Variants in RORA observed in about 807,000 individuals in gnomAD.
The protein encoded by RORA is nuclear receptor ROR-alpha.
A neutral mutation model predicts 69.5 loss-of-function variants in RORA; 7 were observed. That is an observed-to-expected ratio of 0.10 (90% confidence interval 0.06 to 0.19). The LOEUF is 0.19. RORA is among the 10% of genes least tolerant of loss of function. RORA has a pLI of 1.00. For missense variants in RORA, 457 were observed against 663.0 expected (o/e 0.69, Z 3.41); for synonymous variants, 261 against 240.8 (o/e 1.08, Z -0.78).
At chr15:60,883,669 T>C (rs1231396162) in intron 1 of RORA, among the ~76,000 whole-genome samples, 1 of 152,260 alleles carries the variant, frequency 6.6e-6, no homozygotes, top group Admixed American at 6.5e-5. Flanking sequence ...AGAATCTTTT[T>C]ATTTTTCTGT....
chr15:60,795,458 A>G (rs1429856541), intron 1 of RORA, among the ~76,000 whole-genome samples: 5 of 152,214 alleles, frequency 3.3e-5, no homozygotes, highest in Admixed American at 6.5e-5. Flanking sequence ...TTTTTGAGCT[A>G]AGAATTTGAC....
chr15:61,162,445 GT>G (rs953135484), intron 1 of RORA, among the ~76,000 whole-genome samples: 1 of 152,168 alleles, frequency 6.6e-6, no homozygotes, highest in Non-Finnish European at 1.5e-5. Flanking sequence ...AAGGGCTCCT[GT>G]TCATGGAGGA....
intron 1 of RORA, among the ~76,000 whole-genome samples, chr15:61,114,995 T>A (rs1218990960): frequency 3.3e-5 from 5 of 152,216 alleles, no homozygotes; most frequent in African/African-American, 7.2e-5. Flanking sequence ...TATTTCTAAA[T>A]CCCAGAAGCA....
chr15:61,043,190 G>A (rs949074858), intron 1 of RORA, among the ~76,000 whole-genome samples: 7 of 152,124 alleles, frequency 4.6e-5, no homozygotes, highest in African/African-American at 1.7e-4. Flanking sequence ...ATTTACAGAG[G>A]GCAAACATTC....
At chr15:60,639,177 G>A (rs946656221) in intron 2 of RORA, among the ~76,000 whole-genome samples, 8 of 150,206 alleles carry the variant, frequency 5.3e-5, no homozygotes, top group Non-Finnish European at 1.0e-4. Flanking sequence ...TTTCAATCAG[G>A]CAAGTTTATC....
chr15:61,006,079 C>T (rs933786513), intron 1 of RORA, among the ~76,000 whole-genome samples: 3 of 152,126 alleles, frequency 2.0e-5, no homozygotes. Flanking sequence ...AGCGGTTCTC[C>T]TGCCTCAGCT....
chr15:61,132,034 C>T (rs1445235667), intron 1 of RORA, among the ~76,000 whole-genome samples: 2 of 152,182 alleles, frequency 1.3e-5, no homozygotes, highest in African/African-American at 4.8e-5. Context: ...CCTTCCCTCC[C>T]TCCCTCTCTC....
At position 60,488,466 on chromosome 15, in the gene RORA, C is replaced by A. The variant is rs1381740116; in HGVS notation, c.*8989G>T. On this transcript the variant is annotated 3_prime_UTR_variant, in exon 11 of 11. Coordinates refer to ENST00000335670, the MANE Select transcript of RORA (RefSeq NM_134261.3). ...ATTTAAAAGACAACATTAAATCTCT[C>A]TTTTTTGTACAGCTTGTATTTACAA... 6.6e-6 allele frequency: 1 copy of A among 151,866 alleles called. No individual in the cohort carries two copies. The highest frequency in any genetic ancestry group is 6.6e-5 in the Admixed American group (1 of 15,244). 9.4% of individuals were successfully genotyped at this position (151,866 alleles called of 1,614,324 possible). A position where few individuals can be genotyped will look rare whatever the true frequency, so the allele number is the denominator to read the frequency against.
chr15:60,721,738 A>G (rs1466282948), intron 1 of RORA, among the ~76,000 whole-genome samples: 1 of 152,262 alleles, frequency 6.6e-6, no homozygotes, highest in Non-Finnish European at 1.5e-5. Context: ...GAGCTTTTCT[A>G]AAACAGATAA....
chr15:60,983,361 G>GT (rs879829911), intron 1 of RORA, among the ~76,000 whole-genome samples: 14 of 152,134 alleles, frequency 9.2e-5, no homozygotes, highest in Non-Finnish European at 1.8e-4. Flanking sequence ...GTATCAAAGT[G>GT]TTTTACCCCA....
At chr15:60,724,761 G>A (rs2071336035) in intron 1 of RORA, among the ~76,000 whole-genome samples, 1 of 152,174 alleles carries the variant, frequency 6.6e-6, no homozygotes, top group Non-Finnish European at 1.5e-5. Context: ...AGGCATACAT[G>A]AGCCATAGCA....
intron 1 of RORA, among the ~76,000 whole-genome samples, chr15:60,971,580 T>C (rs1595853635): frequency 6.6e-6 from 1 of 152,298 alleles, no homozygotes; most frequent in East Asian, 1.9e-4. Context: ...TCCATTGCAA[T>C]CCTTAAATAT....
At chr15:60,962,312 C>T (rs1893435959) in intron 1 of RORA, among the ~76,000 whole-genome samples, 2 of 152,158 alleles carry the variant, frequency 1.3e-5, no homozygotes, top group South Asian at 2.1e-4. Flanking sequence ...ACTCATTTCC[C>T]CTCCCCACTT....
At chr15:61,219,213 A>T (rs1388682551) in intron 1 of RORA, among the ~76,000 whole-genome samples, 1 of 152,258 alleles carries the variant, frequency 6.6e-6, no homozygotes, top group Non-Finnish European at 1.5e-5. Context: ...ATGCATAGCC[A>T]AAATAACCCA....
At chr15:60,827,644 C>T (rs915524482) in intron 1 of RORA, among the ~76,000 whole-genome samples, 2 of 152,154 alleles carry the variant, frequency 1.3e-5, no homozygotes, top group African/African-American at 2.4e-5. Context: ...TGGGACATGG[C>T]GGGTGTTGGA....
rs1483335275 is a variant in RORA at position 60,590,167 on chromosome 15, C to T, written c.197-58316G>A. 3.8e-5 allele frequency among the ~76,000 whole-genome samples: 5 copies of T among 132,530 alleles called. No individual in the cohort carries two copies. In the East Asian group the frequency reaches 9.8e-4, roughly 26 times the overall value. 86.9% of individuals were successfully genotyped at this position (132,530 alleles called of 152,430 possible). ...TTGTTCAGATGCATTCTCTCTCCCT[C>T]TTCCTCTATCTCTCTCTCTCTCTCT... On this transcript the variant is annotated intron_variant, in intron 2 of 10. Transcript: ENST00000335670.
intron 1 of RORA, among the ~76,000 whole-genome samples, chr15:60,904,629 G>C (rs1281970682): frequency 1.3e-5 from 2 of 152,200 alleles, no homozygotes; most frequent in Non-Finnish European, 1.5e-5. Flanking sequence ...GGTAGAAAGA[G>C]CTATACATGT....
chr15:61,197,427 G>A (rs542135619), intron 1 of RORA, among the ~76,000 whole-genome samples: 1 of 152,314 alleles, frequency 6.6e-6, no homozygotes, highest in East Asian at 1.9e-4. Context: ...CGCCGGTCAT[G>A]TGGCTCACGA....
rs530706007 is a variant in RORA, at chr15:61,207,661, T to C, written c.166+21392A>G. ...CGTGATTCCGAGCTGAAAAGCAAAG[T>C]ATGAGGCTGTTTCCCTCTGTGGGTT... On this transcript the variant is annotated intron_variant, in intron 1 of 10. Coordinates refer to ENST00000335670, the MANE Select transcript of RORA (RefSeq NM_134261.3). Among the ~76,000 whole-genome samples, 3 of 152,328 alleles carry C rather than the reference T, an allele frequency of 2.0e-5. No homozygotes were observed. The East Asian group carries it at 5.8e-4, about 29-fold the overall frequency.
Sources: gnomAD v4.1 joint callset for allele counts (sites outside exome capture counted in the v4.1 genomes callset) on GRCh38, gnomAD v4.1.1 for gene constraint, MANE v1.5 for transcripts, NCBI Gene and HGNC (gene_info 2026-07-23, HGNC 2026-07-21) for gene names.